The following CNTN4 variants were observed in gnomAD, a reference collection of about 807,000 sequenced individuals.
CNTN4 encodes contactin 4.
CNTN4 carries 77 observed loss-of-function variants against 122.5 expected under a neutral mutation model. The observed-to-expected ratio is 0.63, with a 90% CI of 0.52 to 0.76. CNTN4 has a LOEUF of 0.76. CNTN4 is among the 30% of genes least tolerant of loss of function. The pLI is 0.00. For synonymous variants in CNTN4, 512 were observed against 447.0 expected (o/e 1.15, Z -1.83); for missense variants, 1,256 against 1,259.1 (o/e 1.00, Z 0.04).
At chr3:2,349,901 AAC>A (rs930011885) in intron 3 of CNTN4, among the ~76,000 whole-genome samples, 24 of 152,214 alleles carry the variant, frequency 1.6e-4, no homozygotes, top group Admixed American at 7.8e-4. Context: ...GAAGAGAAAC[AAC>A]AGTCAACTTT....
intron 2 of CNTN4, among the ~76,000 whole-genome samples, chr3:2,209,572 GC>G (rs1338266077): frequency 6.6e-6 from 1 of 152,086 alleles, no homozygotes; most frequent in Non-Finnish European, 1.5e-5. Context: ...TCAACCCTGT[GC>G]TGGGTAGTTT....
chr3:2,317,393 C>G (rs761045097), intron 2 of CNTN4, among the ~76,000 whole-genome samples: 1 of 152,108 alleles, frequency 6.6e-6, no homozygotes, highest in Admixed American at 6.5e-5. Flanking sequence ...AAAATAATAA[C>G]CAAAACACTC....
chr3:2,310,043 G>A (rs2042857885), intron 2 of CNTN4, among the ~76,000 whole-genome samples: 1 of 152,058 alleles, frequency 6.6e-6, no homozygotes, highest in African/African-American at 2.4e-5. Flanking sequence ...TAGTTTTCAG[G>A]TGGAATATGT....
At chr3:2,125,498 C>T (rs2034087538) in intron 2 of CNTN4, among the ~76,000 whole-genome samples, 1 of 151,936 alleles carries the variant, frequency 6.6e-6, no homozygotes, top group African/African-American at 2.4e-5. Context: ...AAATCTTTGA[C>T]ATCTTGACTT....
intron 4 of CNTN4, among the ~76,000 whole-genome samples, chr3:2,613,906 C>A (rs532710941): frequency 6.6e-6 from 1 of 152,246 alleles, no homozygotes; most frequent in South Asian, 2.1e-4. Context: ...TCCCTACATT[C>A]AGATACTCAG....
intron 6 of CNTN4, among the ~76,000 whole-genome samples, chr3:2,804,565 A>G (rs1031247890): frequency 7.4e-4 from 112 of 152,334 alleles, no homozygotes; most frequent in Non-Finnish European, 4.7e-4. Flanking sequence ...AACTCAATAA[A>G]TCTTAGCTCT....
At chr3:2,208,251 A>G (rs1377480604) in intron 2 of CNTN4, among the ~76,000 whole-genome samples, 1 of 152,152 alleles carries the variant, frequency 6.6e-6, no homozygotes, top group African/African-American at 2.4e-5. Flanking sequence ...AGCCCAAAAC[A>G]GCAACATTAC....
intron 6 of CNTN4, among the ~76,000 whole-genome samples, chr3:2,779,093 G>T (rs1042717543): frequency 6.6e-6 from 1 of 152,174 alleles, no homozygotes; most frequent in Non-Finnish European, 1.5e-5. Flanking sequence ...GACAATGAAA[G>T]CATTTTCAGG....
chr3:2,124,494 G>A (rs2034014347), intron 2 of CNTN4, among the ~76,000 whole-genome samples: 2 of 146,320 alleles, frequency 1.4e-5, no homozygotes, highest in Admixed American at 1.4e-4. Flanking sequence ...AAGGTATGCT[G>A]GCTCACACCT....
At chr3:3,024,306 AATGAC>A (rs1698537269) in intron 14 of CNTN4, among the ~76,000 whole-genome samples, 1 of 151,628 alleles carries the variant, frequency 6.6e-6, no homozygotes, top group Non-Finnish European at 1.5e-5. Flanking sequence ...AAAAACGTCA[AATGAC>A]ATGTTAAGTC....
At chr3:2,816,219 TGGC>T (rs2092724585) in intron 6 of CNTN4, among the ~76,000 whole-genome samples, 2 of 147,348 alleles carry the variant, frequency 1.4e-5, no homozygotes, top group Admixed American at 6.6e-5. Context: ...CCGGGCGTGG[TGGC>T]GGGCGCCTGT....
At chr3:2,477,360 A>G (rs2075862832) in intron 3 of CNTN4, among the ~76,000 whole-genome samples, 1 of 152,144 alleles carries the variant, frequency 6.6e-6, no homozygotes, top group African/African-American at 2.4e-5. Flanking sequence ...AATAATAGTA[A>G]TTATTATTAT....
At chr3:2,502,275 G>C (rs1018747302) in intron 3 of CNTN4, among the ~76,000 whole-genome samples, 10 of 152,024 alleles carry the variant, frequency 6.6e-5, no homozygotes, top group African/African-American at 9.7e-5. Flanking sequence ...ATGTGCTAAG[G>C]GTGGAGTTTT....
chr3:2,661,017 C>G (rs1299837928), intron 4 of CNTN4, among the ~76,000 whole-genome samples: 3 of 152,168 alleles, frequency 2.0e-5, no homozygotes, highest in Non-Finnish European at 4.4e-5. Context: ...CTGTTTCAAG[C>G]TCTTCCCATG....
intron 3 of CNTN4, among the ~76,000 whole-genome samples, chr3:2,449,662 G>A (rs2048753459): frequency 6.6e-6 from 1 of 151,266 alleles, no homozygotes; most frequent in African/African-American, 2.4e-5. Context: ...TTGAGATCCT[G>A]ATTTCAATTC....
At chr3:2,612,107 T>TACAC (rs58025362) in intron 4 of CNTN4, among the ~76,000 whole-genome samples, 8,959 of 150,096 alleles carry the variant, frequency 0.06, 353 homozygotes, top group Non-Finnish European at 0.087. Context: ...ATACATATAA[T>TACAC]ACACACACAC....
At chr3:2,798,098 G>A (rs1385307048) in intron 6 of CNTN4, among the ~76,000 whole-genome samples, 1 of 129,704 alleles carries the variant, frequency 7.7e-6, no homozygotes, top group Non-Finnish European at 1.6e-5. Context: ...CAACTCTCCA[G>A]TGTCTATTAT....
At chr3:2,814,186 C>G (rs1316560686) in intron 6 of CNTN4, among the ~76,000 whole-genome samples, 1 of 152,010 alleles carries the variant, frequency 6.6e-6, no homozygotes, top group African/African-American at 2.4e-5. Flanking sequence ...GAAATCAACA[C>G]CAAAAAGTAG....
chr3:2,726,531 C>G (rs1202637693), intron 4 of CNTN4, among the ~76,000 whole-genome samples: 2 of 152,186 alleles, frequency 1.3e-5, no homozygotes, highest in African/African-American at 4.8e-5. Flanking sequence ...ATGTCTACTA[C>G]ATAGTTATGC....
Sources: gnomAD v4.1 joint callset for allele counts (sites outside exome capture counted in the v4.1 genomes callset) on GRCh38, gnomAD v4.1.1 for gene constraint, MANE v1.5 for transcripts, NCBI Gene and HGNC (gene_info 2026-07-23, HGNC 2026-07-21) for gene names.